JAM3: variants seen among roughly 807,000 people sequenced by gnomAD.
The protein encoded by JAM3 is junctional adhesion molecule 3.
Under a neutral mutation model 39.4 loss-of-function variants are expected in JAM3, and 31 were observed. The ratio of observed to expected loss-of-function variants is 0.79; its 90% confidence interval spans 0.59 to 1.06. JAM3 has a LOEUF of 1.06. Among genes scored for constraint, JAM3 ranks in the 50% least tolerant of loss-of-function variants. The probability of loss-of-function intolerance (pLI) is 0.00; values close to 1 mark genes in which losing one functional copy is unlikely to be tolerated. For missense variants in JAM3, 455 were observed against 391.4 expected, an observed-to-expected ratio of 1.16 and a Z score of -1.37; for synonymous variants, 182 against 148.7, an observed-to-expected ratio of 1.22 and a Z score of -1.63.
intron 1 of JAM3, among the ~76,000 whole-genome samples, chr11:134,118,846 G>T (rs1942484422): frequency 6.6e-6 from 1 of 152,100 alleles, no homozygotes; most frequent in Non-Finnish European, 1.5e-5. Flanking sequence ...GATGAGAGCG[G>T]GGTTGGTTAA....
chr11:134,108,956 C>T (rs1038456452), intron 1 of JAM3, among the ~76,000 whole-genome samples: 2 of 152,168 alleles, frequency 1.3e-5, no homozygotes, highest in African/African-American at 4.8e-5. Context: ...TACCTGCTCT[C>T]ACCAGCTCTT....
intron 6 of JAM3, chr11:134,147,745 C>T (rs1283897360): frequency 6.6e-6 from 1 of 152,242 alleles, no homozygotes; most frequent in Non-Finnish European, 1.5e-5. Context: ...CTCGGCCTCC[C>T]AAAGTGCTGG....
intron 1 of JAM3, among the ~76,000 whole-genome samples, chr11:134,132,263 G>C (rs181776065): frequency 2.6e-5 from 4 of 152,200 alleles, no homozygotes; most frequent in Non-Finnish European, 4.4e-5. Flanking sequence ...CCAGAAGGAA[G>C]TGGGGTGATA....
In JAM3 at chr11:134,140,641, C is replaced by T; in HGVS notation, c.143-16C>T. The T allele has an allele frequency of 1.9e-6, 3 of 1,606,466 alleles. No individual in the cohort carries two copies. The highest frequency in any genetic ancestry group is 2.2e-5 in the South Asian group (2 of 90,898). ...TCCACATTCACCGAGAGCTCTTTTTCTTCTTTGCGTGTTAGGTGTGGAACT... is the reference window on the plus strand; with the variant it reads ...TCCACATTCACCGAGAGCTCTTTTTTTTCTTTGCGTGTTAGGTGTGGAACT... On this transcript the variant is annotated splice_polypyrimidine_tract_variant and intron_variant, in intron 2 of 8. Transcript: ENST00000299106.
chr11:134,147,459 CAAAAAAA>C (rs557379286), intron 6 of JAM3, among the ~76,000 whole-genome samples: 1 of 70,874 alleles, frequency 1.4e-5, no homozygotes, highest in Non-Finnish European at 2.8e-5. Context: ...GACTCTGTCT[CAAAAAAA>C]AAAAAAAAAA....
In JAM3 at chr11:134,147,531, G is replaced by T. The variant is rs564181892; in HGVS notation, c.713-1016G>T. 3.0e-3 allele frequency among the ~76,000 whole-genome samples: 453 copies of T among 149,352 alleles called. 2 individuals are homozygous for T. Among genetic ancestry groups the T allele is most frequent in the Non-Finnish European group, 5.2e-3 (352 of 67,602 alleles). ...AGATGGAGTCTCGCTCTGTCACCCA[G>T]GCTGGAGTGCAGTGGCACAATCTCG... On this transcript the variant is annotated intron_variant, in intron 6 of 8. Transcript: ENST00000299106.
intron 1 of JAM3, among the ~76,000 whole-genome samples, chr11:134,076,006 G>A (rs887695622): frequency 6.6e-5 from 10 of 150,696 alleles, no homozygotes; most frequent in African/African-American, 2.5e-4. Flanking sequence ...GCTTCCAGCT[G>A]TATCTAACTT....
chr11:134,090,614 A>G (rs1218271519), intron 1 of JAM3, among the ~76,000 whole-genome samples: 2 of 152,208 alleles, frequency 1.3e-5, no homozygotes, highest in African/African-American at 4.8e-5. Context: ...TAGCCTGAAC[A>G]TCTGGATCCT....
intron 3 of JAM3, 121 bp downstream of exon 3, chr11:134,140,891 T>C (rs2120857993): frequency 7.5e-7 from 1 of 1,334,998 alleles, no homozygotes; most frequent in East Asian, 2.7e-5. Flanking sequence ...GACCGTTTTT[T>C]TTTTTTTAAA....
chr11:134,112,484 T>C (rs1156773929), intron 1 of JAM3, among the ~76,000 whole-genome samples: 6 of 152,228 alleles, frequency 3.9e-5, no homozygotes, highest in Non-Finnish European at 8.8e-5. Context: ...TGTGTGTGTG[T>C]TCATTATATA....
intron 1 of JAM3, among the ~76,000 whole-genome samples, chr11:134,077,169 T>A (rs962207878): frequency 2.6e-5 from 4 of 152,146 alleles, no homozygotes; most frequent in Admixed American, 2.0e-4. Flanking sequence ...TTCTGACTGG[T>A]GTGAGATGGC....
chr11:134,140,767 C>G lies in JAM3; in HGVS notation c.253C>G (p.Gln85Glu). The change falls in exon 3 of 9, where the codon CAG becomes GAG. Residue 85 changes from glutamine (Q) to glutamate (E), a missense_variant. By Grantham distance (29) the Gln-to-Glu change is conservative. Transcript: ENST00000299106. ...ATATGTGTTTTTTGACAACAAAATT[C>G]AGGGTATGATCCTGTAGTCCTCTTG... Reference protein sequence around the residue: ...TTYVFFDNKIQGDLAGRAEIL... With the variant: ...TTYVFFDNKIEGDLAGRAEIL... 1 of 1,612,926 alleles carries G rather than the reference C, an allele frequency of 6.2e-7. No individual in the cohort carries two copies. The highest frequency in any genetic ancestry group is 8.5e-7 in the Non-Finnish European group (1 of 1,179,418).
intron 1 of JAM3, among the ~76,000 whole-genome samples, chr11:134,097,957 T>C (rs1942012368): frequency 6.6e-6 from 1 of 152,084 alleles, no homozygotes; most frequent in African/African-American, 2.4e-5. Context: ...AATTTAGTGC[T>C]TATAAAATTG....
At chr11:134,128,254 C>T (rs1167669648) in intron 1 of JAM3, among the ~76,000 whole-genome samples, 1 of 152,184 alleles carries the variant, frequency 6.6e-6, no homozygotes, top group East Asian at 1.9e-4. Flanking sequence ...GTTATTTCTG[C>T]TCACCTGCAG....
At position 134,144,951 on chromosome 11, in the gene JAM3, T is replaced by C. The variant is rs767828058; in HGVS notation, c.569T>C (p.Phe190Ser). The change falls in exon 5 of 9, where the codon TTT becomes TCT. Residue 190 changes from phenylalanine to serine, a missense_variant. Physicochemically the swap from Phe to Ser is radical, Grantham distance 155. Coordinates refer to ENST00000299106, the MANE Select transcript of JAM3 (RefSeq NM_032801.5). ...ACGGATTCCAGAGCCAATCCCAGAT[T>C]TCGCAATTCTTCTTTCCACTTAAAC... ...LPTDSRANPRFRNSSFHLNSE... is the reference protein window; with the variant it reads ...LPTDSRANPRSRNSSFHLNSE... 1.6e-5 allele frequency: 26 copies of C among 1,614,088 alleles called. No individual in the cohort carries two copies. Among genetic ancestry groups the C allele is most frequent in the Non-Finnish European group, 2.1e-5 (25 of 1,180,046 alleles).
chr11:134,140,885 GT>G lies in JAM3; in HGVS notation c.256+128del, dbSNP rs370582772. On this transcript the variant is annotated intron_variant, in intron 3 of 8. Transcript: ENST00000299106. Reference sequence around the variant, plus strand: ...GTAACCTGCATCTGTAGCTAGGACCGTTTTTTTTTTTTTAAAGATTTATAAT... The same window carrying G: ...GTAACCTGCATCTGTAGCTAGGACCGTTTTTTTTTTTTAAAGATTTATAAT... 0.042 allele frequency: 40,591 copies of G among 966,130 alleles called. 189 individuals are homozygous for G. The highest frequency in any genetic ancestry group is 0.11 in the African/African-American group (6,011 of 57,148). 59.8% of individuals were successfully genotyped at this position (966,130 alleles called of 1,614,324 possible).
intron 1 of JAM3, among the ~76,000 whole-genome samples, chr11:134,072,116 C>A (rs1034374649): frequency 1.3e-4 from 20 of 152,104 alleles, no homozygotes. Flanking sequence ...TATAAGATGG[C>A]CACATAATGT....
intron 1 of JAM3, among the ~76,000 whole-genome samples, chr11:134,097,884 A>C (rs1942011011): frequency 6.6e-6 from 1 of 151,580 alleles, no homozygotes. Flanking sequence ...TTATATACAC[A>C]CACTTTGCAC....
intron 1 of JAM3, among the ~76,000 whole-genome samples, chr11:134,130,037 C>A (rs1273990602): frequency 2.6e-5 from 4 of 152,024 alleles, no homozygotes; most frequent in Non-Finnish European, 5.9e-5. Context: ...TAAAAACGGC[C>A]CCAGATAGTT....
Sources: allele counts gnomAD v4.1 joint callset (sites outside exome capture counted in the v4.1 genomes callset), GRCh38; gene constraint gnomAD v4.1.1; transcripts MANE v1.5; gene names NCBI Gene and HGNC (gene_info 2026-07-23, HGNC 2026-07-21).